Variants in CACNA2D1 observed in about 807,000 individuals in gnomAD.
CACNA2D1 encodes the protein voltage-dependent calcium channel subunit alpha-2/delta-1.
CACNA2D1 carries 53 observed loss-of-function variants against 171.5 expected under a neutral mutation model. The observed-to-expected ratio is 0.31, with a 90% CI of 0.25 to 0.39. The LOEUF is 0.39. Among genes scored for constraint, CACNA2D1 ranks in the 10% least tolerant of loss-of-function variants. The pLI is 1.00. For missense variants in CACNA2D1, 903 were observed against 1,299.8 expected, an observed-to-expected ratio of 0.69 and a Z score of 4.69; for synonymous variants, 442 against 443.1, an observed-to-expected ratio of 1.00 and a Z score of 0.03.
At position 82,443,756 on chromosome 7, in the gene CACNA2D1, C is replaced by T. The variant is rs1830690325; in HGVS notation, c.-297G>A. The stretch of plus-strand genomic sequence containing the variant: ...TTGGAAACAGACCTCGGCGAGCCCG[C>T]CGGCGCTCGCGCGCTCTCGCTCTCC... On this transcript the variant is annotated 5_prime_UTR_variant, in exon 1 of 39. Transcript: ENST00000356860. 8.6e-7 allele frequency: 1 copy of T among 1,161,484 alleles called. No individual in the cohort carries two copies. The highest frequency in any genetic ancestry group is 1.6e-5 in the African/African-American group (1 of 62,934). The allele number at this position is 1,161,484 out of a possible 1,614,324, so 71.9% of individuals were successfully genotyped here. A position where few individuals can be genotyped will look rare whatever the true frequency, so the allele number is the denominator to read the frequency against.
chr7:82,342,276 T>C (rs549721413), intron 2 of CACNA2D1, among the ~76,000 whole-genome samples: 1 of 152,290 alleles, frequency 6.6e-6, no homozygotes, highest in Admixed American at 6.5e-5. Context: ...TTGAGTATTT[T>C]CTATTCCCCT....
At chr7:82,081,143 T>A (rs1056314495) in intron 7 of CACNA2D1, among the ~76,000 whole-genome samples, 1 of 152,202 alleles carries the variant, frequency 6.6e-6, no homozygotes, top group African/African-American at 2.4e-5. Context: ...AGAAGTAACA[T>A]ATGTGCTGTT....
At chr7:82,395,412 G>A (rs1264735588) in intron 1 of CACNA2D1, among the ~76,000 whole-genome samples, 1 of 152,144 alleles carries the variant, frequency 6.6e-6, no homozygotes. Flanking sequence ...GTTATCCACG[G>A]CATTCTGCTT....
At chr7:81,964,447 T>G in intron 32 of CACNA2D1, 88 bp from the exon 33 acceptor site, 1 of 1,047,160 alleles carries the variant, frequency 9.5e-7, no homozygotes, top group South Asian at 1.4e-5. Flanking sequence ...TGAAAAGAAA[T>G]AATACAAAGA....
In CACNA2D1 at chr7:82,261,614, T is replaced by A. The variant is rs188002000; in HGVS notation, c.294+73521A>T. On this transcript the variant is annotated intron_variant, in intron 3 of 38. Transcript: ENST00000356860. ...TAGTATTCTACTTATGCATTTCTAA[T>A]CTAGGATAAGCAATCGTATCGCAAA... Among the ~76,000 whole-genome samples the A allele has an allele frequency of 1.3e-3, 198 of 152,318 alleles. 1 individual carries two copies. The highest frequency in any genetic ancestry group is 0.012 in the Admixed American group (187 of 15,294).
intron 6 of CACNA2D1, among the ~76,000 whole-genome samples, chr7:82,115,005 A>G (rs534905746): frequency 3.9e-5 from 6 of 152,332 alleles, no homozygotes; most frequent in Non-Finnish European, 7.4e-5. Context: ...AAAGCCTCCC[A>G]GATATCAACA....
intron 1 of CACNA2D1, among the ~76,000 whole-genome samples, chr7:82,380,987 G>A (rs1053111704): frequency 3.3e-5 from 5 of 151,860 alleles, no homozygotes; most frequent in East Asian, 3.9e-4. Flanking sequence ...GAGCCACTGC[G>A]CCCGGCCACA....
At chr7:81,989,524 C>G (rs1562829530) in intron 21 of CACNA2D1, among the ~76,000 whole-genome samples, 1 of 152,094 alleles carries the variant, frequency 6.6e-6, no homozygotes, top group Non-Finnish European at 1.5e-5. Flanking sequence ...AATGATGAGA[C>G]AGTATTACAG....
At chr7:82,418,432 A>G (rs1485708039) in intron 1 of CACNA2D1, among the ~76,000 whole-genome samples, 3 of 152,342 alleles carry the variant, frequency 2.0e-5, no homozygotes, top group East Asian at 1.9e-4. Flanking sequence ...AAGAAGTTAA[A>G]TATTGTATTA....
chr7:82,430,230 A>T (rs1445257746), intron 1 of CACNA2D1, among the ~76,000 whole-genome samples: 1 of 152,038 alleles, frequency 6.6e-6, no homozygotes, highest in South Asian at 2.1e-4. Context: ...CAGCCTGGCC[A>T]ATATGGTGAA....
chr7:82,395,783 C>A (rs989514880), intron 1 of CACNA2D1, among the ~76,000 whole-genome samples: 4 of 152,038 alleles, frequency 2.6e-5, no homozygotes, highest in Non-Finnish European at 4.4e-5. Flanking sequence ...TTTTCTCAGC[C>A]TATATGCTAG....
chr7:82,202,289 T>G (rs1202453420), intron 3 of CACNA2D1, among the ~76,000 whole-genome samples: 1 of 152,154 alleles, frequency 6.6e-6, no homozygotes, highest in African/African-American at 2.4e-5. Context: ...CCTCAAGTGT[T>G]CTTTCAGCTG....
chr7:82,118,806 T>C (rs928914346), intron 5 of CACNA2D1, among the ~76,000 whole-genome samples: 2 of 151,948 alleles, frequency 1.3e-5, no homozygotes, highest in Non-Finnish European at 2.9e-5. Context: ...GTATCAAGAC[T>C]CCTTAAGGTA....
chr7:82,002,312 G>A (rs1798698223), intron 18 of CACNA2D1, among the ~76,000 whole-genome samples: 1 of 152,084 alleles, frequency 6.6e-6, no homozygotes, highest in African/African-American at 2.4e-5. Flanking sequence ...CTAGAGGGAG[G>A]CAAGCCCTTA....
In CACNA2D1 at chr7:82,339,749, C is replaced by A. The variant is rs79378614; in HGVS notation, c.178-4498G>T. Among the ~76,000 whole-genome samples the A allele has an allele frequency of 9.4e-3, 1,430 of 152,272 alleles. 70 individuals carry two copies. The highest frequency in any genetic ancestry group is 0.079 in the Admixed American group (1,211 of 15,292). On this transcript the variant is annotated intron_variant, in intron 2 of 38. Coordinates refer to ENST00000356860, the MANE Select transcript of CACNA2D1 (RefSeq NM_000722.4). ...GGGAGGAAAACAGTATTCAGATCTACTGAGCAATAGAATTGGTGGTTATGA... is the reference window on the plus strand; with the variant it reads ...GGGAGGAAAACAGTATTCAGATCTAATGAGCAATAGAATTGGTGGTTATGA...
chr7:81,966,122 T>C (rs1794686903), intron 31 of CACNA2D1, among the ~76,000 whole-genome samples: 1 of 151,796 alleles, frequency 6.6e-6, no homozygotes, highest in South Asian at 2.1e-4. Flanking sequence ...TTTATAATTA[T>C]TTCATATTTT....
chr7:82,168,441 G>A (rs1795691605), intron 4 of CACNA2D1, among the ~76,000 whole-genome samples: 1 of 152,130 alleles, frequency 6.6e-6, no homozygotes, highest in Admixed American at 6.6e-5. Context: ...ACCATGCCCG[G>A]CCAAGTGGCT....
chr7:82,262,075 T>C (rs1173266771), intron 3 of CACNA2D1, among the ~76,000 whole-genome samples: 1 of 152,240 alleles, frequency 6.6e-6, no homozygotes, highest in African/African-American at 2.4e-5. Context: ...CTCACGCCTG[T>C]AATCCCAGCA....
chr7:82,412,797 C>T (rs1003083384), intron 1 of CACNA2D1, among the ~76,000 whole-genome samples: 1 of 151,838 alleles, frequency 6.6e-6, no homozygotes, highest in Non-Finnish European at 1.5e-5. Context: ...TTAAAAAGTA[C>T]TTGATATTCA....
Sources: gnomAD v4.1 joint callset for allele counts (sites outside exome capture counted in the v4.1 genomes callset) on GRCh38, gnomAD v4.1.1 for gene constraint, MANE v1.5 for transcripts, NCBI Gene and HGNC (gene_info 2026-07-23, HGNC 2026-07-21) for gene names.